The following RBM10 variants were observed in gnomAD, a reference collection of about 807,000 sequenced individuals.
RBM10 encodes the protein RNA binding motif protein 10.
RBM10 carries 1 observed loss-of-function variant against 84.9 expected under a neutral mutation model. That is an observed-to-expected ratio of 0.01 (90% CI 0.00 to 0.06). RBM10 has a LOEUF of 0.06. RBM10 is among the 10% of genes least tolerant of loss of function. The pLI is 1.00. For synonymous variants in RBM10, 326 were observed against 344.5 expected (o/e 0.95, Z 0.60); for missense variants, 438 against 839.0 (o/e 0.52, Z 5.90).
intron 6 of RBM10, among the ~76,000 whole-genome samples, 154 bp downstream of exon 6, chrX:47,175,246 T>C (rs1935049589): frequency 1.2e-5 from 1 of 86,046 alleles, no homozygotes; most frequent in South Asian, 8.6e-4. Context: ...CCTCACTATC[T>C]CCTCTTCCCA....
In RBM10 at chrX:47,181,255, A is replaced by C; in HGVS notation, c.1289A>C (p.Glu430Ala). 8.6e-7 allele frequency: 1 copy of C among 1,168,448 alleles called. No homozygotes were observed. Among genetic ancestry groups the C allele is most frequent in the East Asian group, 3.2e-5 (1 of 31,422 alleles). Residue 430 changes from glutamate (E) to alanine (A), a missense_variant, in exon 13 of 24, where the codon GAG becomes GCG. Glu to Ala is a moderately radical substitution (Grantham distance 107). Coordinates refer to ENST00000377604, the MANE Select transcript of RBM10 (RefSeq NM_005676.5). ...GGEGTWATSE[E>A]PPVDYSYYQQ... The stretch of plus-strand genomic sequence containing the variant: ...GAGGGTACCTGGGCCACCTCCGAGG[A>C]GCCGCCGGTCGACTACAGCTACTAC...
At position 47,149,454 on chromosome X, in the gene RBM10, G is replaced by A. The variant is rs782441536; in HGVS notation, c.17+1956G>A. On this transcript the variant is annotated intron_variant, in intron 2 of 23. Transcript: ENST00000377604. ...TGGCTGACCACAACCTCTGCCTCCC[G>A]GTTTCAAGCGATTCTCCTGCCTTAG... Among the ~76,000 whole-genome samples, 8 of 111,095 alleles carry A rather than the reference G, an allele frequency of 7.2e-5. No homozygotes were observed. In the South Asian group the frequency reaches 1.1e-3, roughly 16 times the overall value.
In RBM10 at chrX:47,186,669, T is replaced by C; in HGVS notation, c.*70T>C. ...GGGCAGGGAAGGACAGAGTGTTGGATGGCTGGGACGGGGCCTTGCTCTTGT... is the reference window on the plus strand; with the variant it reads ...GGGCAGGGAAGGACAGAGTGTTGGACGGCTGGGACGGGGCCTTGCTCTTGT... On this transcript the variant is annotated 3_prime_UTR_variant, in exon 24 of 24. Transcript: ENST00000377604. 8.5e-7 allele frequency: 1 copy of C among 1,173,756 alleles called. No individual in the cohort carries two copies. Among genetic ancestry groups the C allele is most frequent in the South Asian group, 1.8e-5 (1 of 55,279 alleles).
chrX:47,154,410 G>A (rs138704837), intron 2 of RBM10, among the ~76,000 whole-genome samples: 1,251 of 95,930 alleles, frequency 0.013, 18 homozygotes, highest in African/African-American at 0.045. Context: ...ATTCATATCT[G>A]TTCAGTTCTT....
At position 47,145,256 on chromosome X, in the gene RBM10, CTCG is replaced by C; in HGVS notation, c.-348_-346del. On this transcript the variant is annotated 5_prime_UTR_variant, in exon 1 of 24. Transcript: ENST00000377604. ...TGGTGGTCGGAGCGCCGACTCCCTT[CTCG>C]TCGTCGCCATTTTGAGCTGGTGACT... 4.1e-6 allele frequency: 2 copies of C among 491,269 alleles called. No homozygotes were observed. Among genetic ancestry groups the C allele is most frequent in the Non-Finnish European group, 7.1e-6 (2 of 280,612 alleles). 40.5% of individuals were successfully genotyped at this position (491,269 alleles called of 1,213,427 possible).
At chrX:47,151,765 A>T (rs1414437201) in intron 2 of RBM10, among the ~76,000 whole-genome samples, 1 of 112,403 alleles carries the variant, frequency 8.9e-6, no homozygotes, top group African/African-American at 3.2e-5. Context: ...AATAAAAGGG[A>T]ATGTGTCTAA....
chrX:47,182,935 C>T (rs1212554018), intron 17 of RBM10, among the ~76,000 whole-genome samples: 1 of 112,461 alleles, frequency 8.9e-6, no homozygotes, highest in Non-Finnish European at 1.9e-5. Flanking sequence ...AATGGAAATG[C>T]ACAACAAATG....
In RBM10 at chrX:47,181,266, G is replaced by A. The variant is rs1248767928; in HGVS notation, c.1300G>A (p.Asp434Asn). ...TWATSEEPPV[D>N]YSYYQQDEGY... ...GGCCACCTCCGAGGAGCCGCCGGTC[G>A]ACTACAGCTACTACCAACAGGATGA... is the stretch of plus-strand genomic sequence containing the variant. Residue 434 changes from aspartate (D) to asparagine (N), a missense_variant, in exon 13 of 24, where the codon GAC becomes AAC. By Grantham distance (23) the Asp-to-Asn change is conservative. Coordinates refer to ENST00000377604, the MANE Select transcript of RBM10 (RefSeq NM_005676.5). The A allele has an allele frequency of 1.4e-5, 17 of 1,172,779 alleles. No individual in the cohort carries two copies. Among genetic ancestry groups the A allele is most frequent in the Non-Finnish European group, 1.9e-5 (17 of 877,440 alleles).
intron 2 of RBM10, among the ~76,000 whole-genome samples, chrX:47,154,929 C>T (rs938310728): frequency 9.2e-6 from 1 of 108,274 alleles, no homozygotes; most frequent in Non-Finnish European, 1.9e-5. Context: ...GGGTGAATCA[C>T]GAGGTCAGGA....
intron 2 of RBM10, among the ~76,000 whole-genome samples, chrX:47,152,369 A>G (rs1477352225): frequency 9.1e-6 from 1 of 109,397 alleles, no homozygotes; most frequent in Non-Finnish European, 1.9e-5. Context: ...AAGTATAATG[A>G]ATTCCCATAT....
chrX:47,147,360 C>A lies in RBM10; in HGVS notation c.-122C>A, dbSNP rs2147064198. ...TTCTTCCCTCCACTCTCCCCAGAGT[C>A]CCTGCAGGAAGCATCACCCAGGCTG... On this transcript the variant is annotated 5_prime_UTR_variant, in exon 2 of 24. Transcript: ENST00000377604. 1.7e-6 allele frequency: 2 copies of A among 1,196,985 alleles called. No homozygotes were observed. Among genetic ancestry groups the A allele is most frequent in the Non-Finnish European group, 2.3e-6 (2 of 887,460 alleles).
Position 47,179,135 on chromosome X carries a change from G to A in RBM10, c.696G>A (p.Lys232=), listed in dbSNP as rs2147164796. The change falls in exon 8 of 24, where the codon AAG becomes AAA. Residue 232 remains lysine (K), a synonymous_variant. Transcript: ENST00000377604. ...CGVQNFKRRE[K]CFKCGVPKSE... The stretch of plus-strand genomic sequence containing the variant: ...TCCAGAACTTCAAACGCCGAGAGAA[G>A]TGCTTCAAATGTGGCGTGCCCAAGT... 8.3e-7 allele frequency: 1 copy of A among 1,210,150 alleles called. No homozygotes were observed. The highest frequency in any genetic ancestry group is 2.2e-5 in the Admixed American group (1 of 45,985).
At chrX:47,162,527 G>C (rs1933800516) in intron 2 of RBM10, among the ~76,000 whole-genome samples, 1 of 111,601 alleles carries the variant, frequency 9.0e-6, no homozygotes, top group East Asian at 2.8e-4. Flanking sequence ...AGGAGGTAGA[G>C]CTTAATTACC....
At chrX:47,174,644 C>CT (rs1187523451) in intron 5 of RBM10, among the ~76,000 whole-genome samples, 1 of 111,117 alleles carries the variant, frequency 9.0e-6, no homozygotes, top group Non-Finnish European at 1.9e-5. Flanking sequence ...CCCCTCCCTC[C>CT]TTCTTTGGAG....
chrX:47,174,894 CT>C (rs1253118985), intron 5 of RBM10, 124 bp from the exon 6 acceptor site: 7 of 534,776 alleles, frequency 1.3e-5, no homozygotes, highest in Non-Finnish European at 1.3e-5. Context: ...CTCTTTCTTC[CT>C]TTTTCCTCTT....
chrX:47,145,933 G>T (rs1394105847), intron 1 of RBM10, among the ~76,000 whole-genome samples: 1 of 97,960 alleles, frequency 1.0e-5, no homozygotes, highest in Non-Finnish European at 2.0e-5. Flanking sequence ...TGTGACTCTG[G>T]TCTTTACCCT....
At chrX:47,165,774 C>G (rs1934143071) in intron 2 of RBM10, among the ~76,000 whole-genome samples, 1 of 111,564 alleles carries the variant, frequency 9.0e-6, no homozygotes, top group Non-Finnish European at 1.9e-5. Context: ...GTAATCCCAG[C>G]ATTTTGGGAG....
rs1195243173 is a variant in RBM10 at position 47,181,128 on chromosome X, C to T, written c.1249-87C>T. The stretch of plus-strand genomic sequence containing the variant: ...CTGTCAGGTAGAAATACTAGCCCCA[C>T]GTGTGGGACAGATGCTTCTAGCAGG... On this transcript the variant is annotated intron_variant, in intron 12 of 23. Coordinates refer to ENST00000377604, the MANE Select transcript of RBM10 (RefSeq NM_005676.5). 8.3e-5 allele frequency: 44 copies of T among 531,776 alleles called. No homozygotes were observed. The East Asian group carries it at 1.3e-3, about 16-fold the overall frequency. The allele number at this position is 531,776 out of a possible 1,213,427, so 43.8% of individuals were successfully genotyped here.
chrX:47,181,235 T>C lies in RBM10; in HGVS notation c.1269T>C (p.Gly423=), dbSNP rs143203694. 0.019 allele frequency: 22,303 copies of C among 1,144,766 alleles called. 196 individuals carry two copies. The highest frequency in any genetic ancestry group is 0.022 in the Non-Finnish European group (19,015 of 865,662). 94.3% of individuals were successfully genotyped at this position (1,144,766 alleles called of 1,213,427 possible). Residue 423 remains glycine, a synonymous_variant, in exon 13 of 24, where the codon GGT becomes GGC. Coordinates refer to ENST00000377604, the MANE Select transcript of RBM10 (RefSeq NM_005676.5). ...AISQASQGGE[G]TWATSEEPPV... ...TTCAGGCCTCCCAAGGTGGGGAGGG[T>C]ACCTGGGCCACCTCCGAGGAGCCGC...
Sources: gnomAD v4.1 joint callset for allele counts (sites outside exome capture counted in the v4.1 genomes callset) on GRCh38, gnomAD v4.1.1 for gene constraint, MANE v1.5 for transcripts, NCBI Gene and HGNC (gene_info 2026-07-23, HGNC 2026-07-21) for gene names.